The following SNRPN variants were observed in gnomAD, a reference collection of about 807,000 sequenced individuals.
SNRPN encodes the protein small nuclear ribonucleoprotein-associated protein N.
SNRPN carries 7 observed loss-of-function variants against 25.2 expected under a neutral mutation model. The ratio of observed to expected loss-of-function variants is 0.28; its 90% CI spans 0.16 to 0.52. SNRPN has a LOEUF of 0.52. Among genes scored for constraint, SNRPN ranks in the 20% least tolerant of loss-of-function variants. SNRPN has a pLI of 0.96. For missense variants in SNRPN, 196 were observed against 322.5 expected, an observed-to-expected ratio of 0.61 and a Z score of 3.00; for synonymous variants, 124 against 110.6, an observed-to-expected ratio of 1.12 and a Z score of -0.76.
intron 2 of SNRPN, among the ~76,000 whole-genome samples, chr15:24,839,310 A>T (rs2051473782): frequency 6.6e-6 from 1 of 152,058 alleles, no homozygotes; most frequent in Admixed American, 6.5e-5. Context: ...TTTGCTGGTC[A>T]TGTAGTGAAG....
intron 1 of SNRPN, among the ~76,000 whole-genome samples, chr15:24,860,499 C>A (rs8041773): frequency 0.45 from 68,663 of 151,968 alleles, 16,401 homozygotes; most frequent in East Asian, 0.55. Flanking sequence ...ATTACAGATG[C>A]TTTTGATTTA....
rs199833583 is a variant in SNRPN, at chr15:24,978,412, C to T, written c.691C>T (p.Pro231Ser). 1 of 1,613,926 alleles carries T rather than the reference C, an allele frequency of 6.2e-7. No homozygotes were observed. ...TGTTTCTATTTCCTTTCCAGGTCCACCTCCCCCAGGAATGCGTCCACCAAG... is the reference window on the plus strand; with the variant it reads ...TGTTTCTATTTCCTTTCCAGGTCCATCTCCCCCAGGAATGCGTCCACCAAG... ...RPPPPGIRGP[P>S]PPGMRPPRP Residue 231 changes from proline to serine, a missense_variant, in exon 10 of 10, where the codon CCT becomes TCT. By Grantham distance (74) the Pro-to-Ser change is moderately conservative. Transcript: ENST00000390687.
chr15:24,955,577 T>G (rs1596146927), intron 1 of SNRPN, among the ~76,000 whole-genome samples: 1 of 108,090 alleles, frequency 9.3e-6, no homozygotes, highest in Non-Finnish European at 1.9e-5. Flanking sequence ...GACCACTGCG[T>G]GGTGGAGCAG....
At chr15:24,964,563 G>A (rs1159892365) in intron 2 of SNRPN, among the ~76,000 whole-genome samples, 3 of 152,160 alleles carry the variant, frequency 2.0e-5, no homozygotes, top group Non-Finnish European at 4.4e-5. Flanking sequence ...TTCCCAAAGT[G>A]CTAGGATTAC....
chr15:24,889,599 C>G (rs2057486710), intron 2 of SNRPN, among the ~76,000 whole-genome samples: 1 of 152,078 alleles, frequency 6.6e-6, no homozygotes. Flanking sequence ...GCCACCGTGC[C>G]CGGCCCTAAC....
rs376317151 is a variant in SNRPN at position 24,923,051 on chromosome 15, A to G, written c.-391+2927A>G. ...CCCCCATGTAACTGGGACTACAGGCACCTGCCACCACACCCAGCTAATTTT... is the reference window on the plus strand; with the variant it reads ...CCCCCATGTAACTGGGACTACAGGCGCCTGCCACCACACCCAGCTAATTTT... On this transcript the variant is annotated intron_variant, in intron 3 of 11. Transcript: ENST00000400097. Among the ~76,000 whole-genome samples, 132 of 152,096 alleles carry G rather than the reference A, an allele frequency of 8.7e-4. 2 individuals carry two copies. The highest frequency in any genetic ancestry group is 1.4e-3 in the Non-Finnish European group (92 of 67,972).
At chr15:24,945,484 T>C (rs2061823350) in intron 3 of SNRPN, among the ~76,000 whole-genome samples, 1 of 151,842 alleles carries the variant, frequency 6.6e-6, no homozygotes. Context: ...GGTTATATTG[T>C]GCTATAATTA....
At chr15:24,847,431 A>G (rs2052305801) in intron 2 of SNRPN, among the ~76,000 whole-genome samples, 1 of 152,210 alleles carries the variant, frequency 6.6e-6, no homozygotes, top group South Asian at 2.1e-4. Flanking sequence ...ACTTGAGGCC[A>G]GGAGTTCAAG....
At chr15:24,973,660 CT>C (rs2076726467) in intron 3 of SNRPN, among the ~76,000 whole-genome samples, 2 of 151,954 alleles carry the variant, frequency 1.3e-5, no homozygotes, top group African/African-American at 4.8e-5. Flanking sequence ...TTGGCCTCCC[CT>C]GGTGCTGGGA....
At chr15:24,978,034 C>G in intron 8 of SNRPN, 118 bp downstream of exon 8, 1 of 1,224,564 alleles carries the variant, frequency 8.2e-7, no homozygotes. Context: ...CTTCTAGATA[C>G]TGGTTTTTAA....
chr15:24,957,117 C>T (rs1452661649), intron 1 of SNRPN, among the ~76,000 whole-genome samples: 1 of 152,006 alleles, frequency 6.6e-6, no homozygotes, highest in East Asian at 1.9e-4. Flanking sequence ...CTTTGATTTC[C>T]ATTCGACACA....
At chr15:24,976,194 A>G in intron 5 of SNRPN, 111 bp from the exon 6 acceptor site, 1 of 827,404 alleles carries the variant, frequency 1.2e-6, no homozygotes, top group Non-Finnish European at 2.0e-6. Flanking sequence ...GTGATAACTC[A>G]GTAAATGTTT....
chr15:24,834,839 T>C (rs2050906394), intron 2 of SNRPN, among the ~76,000 whole-genome samples: 1 of 137,008 alleles, frequency 7.3e-6, no homozygotes, highest in African/African-American at 2.7e-5. Flanking sequence ...GGCAGGAGAA[T>C]CGCTTGAATC....
chr15:24,950,544 CTTTT>C (rs1024998270), upstream of SNRPN, among the ~76,000 whole-genome samples: 3 of 97,132 alleles, frequency 3.1e-5, no homozygotes, highest in Non-Finnish European at 4.1e-5. Flanking sequence ...GTTCTCATTT[CTTTT>C]TTTTTTTTTT....
intron 3 of SNRPN, among the ~76,000 whole-genome samples, chr15:24,932,719 G>A (rs1016342384): frequency 2.6e-5 from 4 of 151,040 alleles, no homozygotes; most frequent in African/African-American, 4.9e-5. Flanking sequence ...ACACAATCTC[G>A]GCTCACTGCA....
intron 1 of SNRPN, among the ~76,000 whole-genome samples, chr15:24,880,051 G>A (rs189185810): frequency 6.6e-6 from 1 of 152,182 alleles, no homozygotes; most frequent in Admixed American, 6.5e-5. Context: ...GTCTCCTCTG[G>A]CCAATATTTT....
intron 2 of SNRPN, among the ~76,000 whole-genome samples, chr15:24,891,228 T>C (rs1190449308): frequency 6.6e-6 from 1 of 151,932 alleles, no homozygotes; most frequent in Admixed American, 6.6e-5. Flanking sequence ...GGTCTCAAAA[T>C]GGCATTTTTT....
intron 1 of SNRPN, among the ~76,000 whole-genome samples, chr15:24,961,534 G>A (rs540078467): frequency 3.9e-5 from 6 of 152,148 alleles, no homozygotes; most frequent in Non-Finnish European, 5.9e-5. Flanking sequence ...TTCTGCAGAC[G>A]TAACATGGCG....
At chr15:24,906,845 G>T (rs2058835422) in intron 2 of SNRPN, among the ~76,000 whole-genome samples, 3 of 152,078 alleles carry the variant, frequency 2.0e-5, no homozygotes, top group African/African-American at 7.2e-5. Flanking sequence ...TTCTAATTAG[G>T]TTTTTTCTTT....
Sources: gnomAD v4.1 joint callset for allele counts (sites outside exome capture counted in the v4.1 genomes callset) on GRCh38, gnomAD v4.1.1 for gene constraint, MANE v1.5 for transcripts, NCBI Gene and HGNC (gene_info 2026-07-23, HGNC 2026-07-21) for gene names.